UQCRC2: variants seen among roughly 807,000 people sequenced by gnomAD.
UQCRC2 encodes ubiquinol-cytochrome c reductase core protein 2.
A neutral mutation model predicts 55.6 loss-of-function variants in UQCRC2; 49 were observed. That is an observed-to-expected ratio of 0.88 (90% CI 0.70 to 1.12). The LOEUF (loss-of-function observed/expected upper bound fraction) is 1.12. Among genes scored for constraint, UQCRC2 ranks in the 50% most tolerant of loss-of-function variants. UQCRC2 has a pLI of 0.00. For missense variants in UQCRC2, 506 were observed against 547.8 expected (o/e 0.92, Z 0.76); for synonymous variants, 193 against 192.0 (o/e 1.01, Z -0.04).
At position 21,971,577 on chromosome 16, in the gene UQCRC2, G is replaced by T; in HGVS notation, c.723G>T (p.Arg241Ser). The change falls in exon 9 of 14, where the codon AGG (arginine) becomes AGT (serine). Residue 241 changes from arginine to serine, a missense_variant. By Grantham distance (110) the Arg-to-Ser change is moderately radical. Transcript: ENST00000268379. ...KQVAEQFLNM[R>S]GGLGLSGAKA... is the part of the protein sequence containing the mutation. ...TTGCTGAACAGTTTCTCAACATGAG[G>T]GGTGGGCTTGGTTTATCTGGTGCAA... 2 of 1,614,160 alleles carry T rather than the reference G, an allele frequency of 1.2e-6. No individual in the cohort carries two copies. Among genetic ancestry groups the T allele is most frequent in the East Asian group, 2.2e-5 (1 of 44,886 alleles).
At position 21,971,503 on chromosome 16, in the gene UQCRC2, GTT is replaced by G; in HGVS notation, c.671-18_671-17del. On this transcript the variant is annotated intron_variant, in intron 8 of 13. Coordinates refer to ENST00000268379, the MANE Select transcript of UQCRC2 (RefSeq NM_003366.4). Reference sequence around the variant, plus strand: ...TTTTAGTAATTGTGGTTCTAGCTTTGTTTTTGCTTCTGTTGAAACAGGTGTGA... The same window carrying G: ...TTTTAGTAATTGTGGTTCTAGCTTTGTTTGCTTCTGTTGAAACAGGTGTGA... 6.3e-7 allele frequency: 1 copy of G among 1,581,604 alleles called. No homozygotes were observed. Among genetic ancestry groups the G allele is most frequent in the South Asian group, 1.1e-5 (1 of 87,170 alleles).
At chr16:21,975,966 G>A (rs1258410935) in intron 11 of UQCRC2, among the ~76,000 whole-genome samples, 4 of 152,180 alleles carry the variant, frequency 2.6e-5, no homozygotes, top group African/African-American at 4.8e-5. Context: ...GCTGGGGCAG[G>A]AGGATTGTGT....
chr16:21,958,912 T>C (rs1342740536), intron 4 of UQCRC2, among the ~76,000 whole-genome samples: 1 of 152,238 alleles, frequency 6.6e-6, no homozygotes, highest in African/African-American at 2.4e-5. Context: ...TCCCAGTGCA[T>C]ATAAAAGTTA....
intron 1 of UQCRC2, among the ~76,000 whole-genome samples, chr16:21,955,848 G>A (rs1366083958): frequency 2.6e-5 from 4 of 151,752 alleles, no homozygotes; most frequent in Admixed American, 1.3e-4. Context: ...TTCTTGAGAC[G>A]GAGTTTTGCT....
rs143584051 is a variant in UQCRC2, at chr16:21,966,011, A to G, written c.612+506A>G. Among the ~76,000 whole-genome samples, 93 of 152,034 alleles carry G rather than the reference A, an allele frequency of 6.1e-4. 1 individual carries two copies. The highest frequency in any genetic ancestry group is 9.0e-4 in the Non-Finnish European group (61 of 67,966). On this transcript the variant is annotated intron_variant, in intron 7 of 13. Coordinates refer to ENST00000268379, the MANE Select transcript of UQCRC2 (RefSeq NM_003366.4). ...TGTATCTTTTTTAAACAGTATTTAAATGTTTAAGTATCATAATAGGGGCTG... is the reference window on the plus strand; with the variant it reads ...TGTATCTTTTTTAAACAGTATTTAAGTGTTTAAGTATCATAATAGGGGCTG...
At chr16:21,962,344 C>T (rs551317974) in intron 4 of UQCRC2, 116 bp from the exon 5 acceptor site, 19 of 1,230,582 alleles carry the variant, frequency 1.5e-5, no homozygotes, top group East Asian at 2.4e-5. Flanking sequence ...TATTATTGTT[C>T]GCACCTTTTA....
At chr16:21,971,433 TA>T (rs1317010930) in intron 8 of UQCRC2, 91 bp from the exon 9 acceptor site, 3 of 1,065,008 alleles carry the variant, frequency 2.8e-6, no homozygotes, top group Non-Finnish European at 4.1e-6. Flanking sequence ...GTTAGGATTT[TA>T]CAATCGTATT....
chr16:21,962,451 C>T lies in UQCRC2; in HGVS notation c.333-9C>T, dbSNP rs753205581. 1 of 1,614,056 alleles carries T rather than the reference C, an allele frequency of 6.2e-7. No individual in the cohort carries two copies. Among genetic ancestry groups the T allele is most frequent in the Non-Finnish European group, 8.5e-7 (1 of 1,179,952 alleles). ...CAGATGATTTACTCTAGTTTATTTT[C>T]CGATTCAGTGTGACCGCAACAAGGG... On this transcript the variant is annotated splice_polypyrimidine_tract_variant and intron_variant, in intron 4 of 13. Coordinates refer to ENST00000268379, the MANE Select transcript of UQCRC2 (RefSeq NM_003366.4).
intron 11 of UQCRC2, among the ~76,000 whole-genome samples, chr16:21,975,904 A>G (rs1201625791): frequency 6.6e-6 from 1 of 152,164 alleles, no homozygotes; most frequent in Non-Finnish European, 1.5e-5. Context: ...AAAAAAGCTA[A>G]AAAATTAGCC....
At chr16:21,975,356 G>A (rs1367432518) in intron 11 of UQCRC2, among the ~76,000 whole-genome samples, 3 of 152,114 alleles carry the variant, frequency 2.0e-5, no homozygotes, top group Non-Finnish European at 4.4e-5. Context: ...TGAGGTCGGG[G>A]TCTTAGAATT....
chr16:21,971,715 T>C (rs1013689498), intron 9 of UQCRC2, 95 bp downstream of exon 9: 1 of 1,387,740 alleles, frequency 7.2e-7, no homozygotes, highest in Admixed American at 1.8e-5. Flanking sequence ...TATTTACTAC[T>C]GAACAGTCTC....
At chr16:21,977,943 T>C (rs1567479449) in intron 12 of UQCRC2, among the ~76,000 whole-genome samples, 1 of 152,206 alleles carries the variant, frequency 6.6e-6, no homozygotes, top group Non-Finnish European at 1.5e-5. Flanking sequence ...GATGCAGGGC[T>C]GCTTGATTGT....
intron 4 of UQCRC2, among the ~76,000 whole-genome samples, chr16:21,961,635 TA>T (rs1898203311): frequency 2.3e-5 from 1 of 43,952 alleles, no homozygotes; most frequent in African/African-American, 2.7e-4. Flanking sequence ...TTTATATATA[TA>T]TATATATATA....
Position 21,965,324 on chromosome 16 carries a change from A to G in UQCRC2, c.515-84A>G, listed in dbSNP as rs191886858. On this transcript the variant is annotated intron_variant, in intron 6 of 13. Transcript: ENST00000268379. ...AATGCCAGAAGATGACCAAATTTGT[A>G]TAGGCTTGTTGCTTTCTAGGTTTTA... is the stretch of plus-strand genomic sequence containing the variant. The G allele has an allele frequency of 1.2e-5, 16 of 1,322,064 alleles. No homozygotes were observed. In the Admixed American group the frequency reaches 1.8e-4, roughly 15 times the overall value. 81.9% of individuals were successfully genotyped at this position (1,322,064 alleles called of 1,614,324 possible). A position where few individuals can be genotyped will look rare whatever the true frequency, so the allele number is the denominator to read the frequency against.
rs1481421784 is a variant in UQCRC2, at chr16:21,980,518, A to G, written c.1125-29A>G. The G allele has an allele frequency of 5.0e-6, 8 of 1,605,064 alleles. 1 individual carries two copies. The East Asian group carries it at 1.6e-4, about 31-fold the overall frequency. On this transcript the variant is annotated intron_variant, in intron 12 of 13. Transcript: ENST00000268379. ...AAAAAAAATAATTGCCTTGCTCTCT[A>G]AAACTGACTTCTGCCTTTTATTGGA...
Position 21,953,412 on chromosome 16 carries a change from C to A in UQCRC2, c.-12C>A. On this transcript the variant is annotated 5_prime_UTR_variant, in exon 1 of 14. Transcript: ENST00000268379. The stretch of plus-strand genomic sequence containing the variant: ...ATCCGGCAGTGACCGTGTGTCAGAA[C>A]AATCTTGAATCATGAAGCTACTAAC... 1 of 1,612,852 alleles carries A rather than the reference C, an allele frequency of 6.2e-7. No individual in the cohort carries two copies. Among genetic ancestry groups the A allele is most frequent in the African/African-American group, 1.3e-5 (1 of 74,908 alleles).
rs897790044 is a variant in UQCRC2, at chr16:21,962,395, A to T, written c.333-65A>T. On this transcript the variant is annotated intron_variant, in intron 4 of 13. Coordinates refer to ENST00000268379, the MANE Select transcript of UQCRC2 (RefSeq NM_003366.4). ...CTTTCCAAAGGAATTGGTTGATAGA[A>T]GATTATAAGGGAAAGCTTACTATCC... 13 of 1,581,564 alleles carry T rather than the reference A, an allele frequency of 8.2e-6. No individual in the cohort carries two copies. In the African/African-American group the frequency reaches 1.8e-4, roughly 21 times the overall value.
intron 6 of UQCRC2, chr16:21,963,235 G>A (rs1476855681): frequency 6.0e-6 from 1 of 167,830 alleles, no homozygotes; most frequent in Non-Finnish European, 1.3e-5. Flanking sequence ...GGCCTCAAGT[G>A]ATCCACCCAC....
intron 7 of UQCRC2, among the ~76,000 whole-genome samples, chr16:21,967,003 A>G (rs1265633560): frequency 6.6e-6 from 1 of 152,232 alleles, no homozygotes; most frequent in Non-Finnish European, 1.5e-5. Flanking sequence ...GGACATACCA[A>G]AAGGTCCCTT....
Sources: allele counts gnomAD v4.1 joint callset (sites outside exome capture counted in the v4.1 genomes callset), GRCh38; gene constraint gnomAD v4.1.1; transcripts MANE v1.5; gene names NCBI Gene and HGNC (gene_info 2026-07-23, HGNC 2026-07-21).